Variants in RHBG observed in about 807,000 individuals in gnomAD.
RHBG encodes ammonium transporter Rh type B.
In RHBG, 39 loss-of-function variants were observed where a neutral mutation model predicts 40.1. The ratio of observed to expected loss-of-function variants is 0.97; its 90% CI spans 0.75 to 1.27. The LOEUF is 1.27. Among genes scored for constraint, RHBG ranks in the 50% most tolerant of loss-of-function variants. The pLI is 0.00. For missense variants in RHBG, 549 were observed against 588.1 expected (o/e 0.93, Z 0.69); for synonymous variants, 237 against 252.5 (o/e 0.94, Z 0.58).
In RHBG at chr1:156,377,913, T is replaced by G. The variant is rs1388320358; in HGVS notation, c.375-77T>G. ...CCCCACCCACCACATCATGCTGTCC[T>G]GGCTTCATGCCAGGCAGGAACCCCG... On this transcript the variant is annotated intron_variant, in intron 2 of 9. Transcript: ENST00000537040. The surrounding 1 kb of genome is among the most constrained non-coding windows in gnomAD (Gnocchi z 4.6). 5 of 848,866 alleles carry G rather than the reference T, an allele frequency of 5.9e-6. No individual in the cohort carries two copies. The highest frequency in any genetic ancestry group is 8.8e-6 in the Non-Finnish European group (5 of 565,772). The allele number at this position is 848,866 out of a possible 1,614,324, so 52.6% of individuals were successfully genotyped here. A position where few individuals can be genotyped will look rare whatever the true frequency, so the allele number is the denominator to read the frequency against.
At chr1:156,383,020 G>A in intron 8 of RHBG, 151 bp downstream of exon 8, 1 of 1,101,560 alleles carries the variant, frequency 9.1e-7, no homozygotes, top group Non-Finnish European at 1.3e-6. Flanking sequence ...CCTCCTGCAG[G>A]CACAGAGGTG....
At position 156,369,312 on chromosome 1, in the gene RHBG, C is replaced by T. The variant is rs377604432; in HGVS notation, c.63C>T (p.Phe21=). The T allele has an allele frequency of 1.2e-6, 2 of 1,614,076 alleles. No homozygotes were observed. Among genetic ancestry groups the T allele is most frequent in the African/African-American group, 1.3e-5 (1 of 74,940 alleles). Residue 21 remains phenylalanine, a synonymous_variant, in exon 1 of 10, where the codon TTC becomes TTT. Coordinates refer to ENST00000537040, the MANE Select transcript of RHBG (RefSeq NM_020407.5). ...RRLQLPLLCL[F]LQGATAVLFA... ...TGCAGCTTCCCCTGCTGTGCCTCTT[C>T]CTCCAGGGCGCCACTGCCGTCCTCT... is the stretch of plus-strand genomic sequence containing the variant.
intron 1 of RHBG, among the ~76,000 whole-genome samples, chr1:156,376,703 C>G (rs903487176): frequency 8.5e-5 from 13 of 152,150 alleles, no homozygotes; most frequent in African/African-American, 3.1e-4. Context: ...CACAGTGGGC[C>G]TCACCTGTAG....
intron 5 of RHBG, 21 bp from the exon 6 acceptor site, chr1:156,381,785 A>G (rs1441390226): frequency 1.3e-6 from 2 of 1,574,352 alleles, no homozygotes; most frequent in Admixed American, 2.1e-5. Flanking sequence ...AAGGGCCTCC[A>G]ACACCTTGCT....
chr1:156,383,576 T>TATTTTTTTTTTTTTTTTTTTTTG (rs1667825521), intron 8 of RHBG, among the ~76,000 whole-genome samples: 3 of 148,314 alleles, frequency 2.0e-5, no homozygotes, highest in East Asian at 2.0e-4. Context: ...GTGCCTGGCC[T>TATTTTTTTTTTTTTTTTTTTTTG]AGAATCTACA....
chr1:156,375,448 A>G (rs1259613560), intron 1 of RHBG, among the ~76,000 whole-genome samples: 5 of 107,770 alleles, frequency 4.6e-5, no homozygotes, highest in African/African-American at 1.7e-4. Context: ...GCCCATGCAT[A>G]TGGCACAAAA....
In RHBG at chr1:156,381,947, T is replaced by C. The variant is rs747237407; in HGVS notation, c.978+4T>C. 2.5e-6 allele frequency: 4 copies of C among 1,611,538 alleles called. No homozygotes were observed. The highest frequency in any genetic ancestry group is 1.3e-5 in the African/African-American group (1 of 74,632). Reference sequence around the variant, plus strand: ...GCTGGGGTACAAGTTCTTCACGGTATAGATGCCTCTTGGAGCCTGGGCAGA... The same window carrying C: ...GCTGGGGTACAAGTTCTTCACGGTACAGATGCCTCTTGGAGCCTGGGCAGA... On this transcript the variant is annotated splice_donor_region_variant and intron_variant, in intron 6 of 9. Coordinates refer to ENST00000537040, the MANE Select transcript of RHBG (RefSeq NM_020407.5).
At chr1:156,382,439 G>A (rs1667722603) in intron 7 of RHBG, 1 of 635,618 alleles carries the variant, frequency 1.6e-6, no homozygotes, top group Non-Finnish European at 2.7e-6. Flanking sequence ...TTACTGAAGG[G>A]TCAGTAAGAG....
intron 7 of RHBG, 141 bp from the exon 8 acceptor site, chr1:156,382,607 C>A: frequency 9.6e-7 from 1 of 1,042,816 alleles, no homozygotes; most frequent in Non-Finnish European, 1.4e-6. Flanking sequence ...AGGTGAGACT[C>A]AGCCTGGCAT....
intron 7 of RHBG, 36 bp downstream of exon 7, chr1:156,382,237 C>A (rs754255218): frequency 1.2e-6 from 2 of 1,613,376 alleles, no homozygotes; most frequent in Non-Finnish European, 1.7e-6. Context: ...CAGTCGTCAT[C>A]CATCTGGAAT....
chr1:156,382,944 A>C, intron 8 of RHBG, 75 bp downstream of exon 8: 1 of 1,592,244 alleles, frequency 6.3e-7, no homozygotes, highest in Non-Finnish European at 8.6e-7. Flanking sequence ...TCACTCATAG[A>C]TATTTATGGA....
At chr1:156,373,763 C>T (rs1056853381) in intron 1 of RHBG, among the ~76,000 whole-genome samples, 1 of 152,100 alleles carries the variant, frequency 6.6e-6, no homozygotes, top group Non-Finnish European at 1.5e-5. Flanking sequence ...GCCCTTGGAC[C>T]CAACACCCTT....
At position 156,369,219 on chromosome 1, in the gene RHBG, G is replaced by A. The variant is rs1203640982; in HGVS notation, c.-31G>A. On this transcript the variant is annotated 5_prime_UTR_variant, in exon 1 of 10. Coordinates refer to ENST00000537040, the MANE Select transcript of RHBG (RefSeq NM_020407.5). ...CGCCGGGAATTGTCTGCCAAAGCCT[G>A]CGAGCGCCAGCCGAGATCGCAGCCC... is the stretch of plus-strand genomic sequence containing the variant. The A allele has an allele frequency of 6.2e-7, 1 of 1,602,490 alleles. No individual in the cohort carries two copies. Among genetic ancestry groups the A allele is most frequent in the South Asian group, 1.1e-5 (1 of 90,202 alleles).
At chr1:156,380,473 A>G (rs1195304207) in intron 4 of RHBG, among the ~76,000 whole-genome samples, 4 of 151,910 alleles carry the variant, frequency 2.6e-5, no homozygotes, top group African/African-American at 9.7e-5. Flanking sequence ...CTGTAATCTC[A>G]GCACTTTGGG....
chr1:156,382,823 G>A lies in RHBG; in HGVS notation c.1188G>A (p.Gly396=), dbSNP rs372689213. 3 of 1,614,140 alleles carry A rather than the reference G, an allele frequency of 1.9e-6. No individual in the cohort carries two copies. The highest frequency in any genetic ancestry group is 2.2e-5 in the South Asian group (2 of 91,096). ...ATSQAMHQLF[G]LFVTLMFASV... is the part of the protein sequence containing the mutation. ...CACAGGCCATGCACCAGCTCTTCGG[G>A]CTGTTTGTCACACTGATGTTTGCCT... Residue 396 remains glycine (G), a synonymous_variant, in exon 8 of 10, where the codon GGG becomes GGA. Coordinates refer to ENST00000537040, the MANE Select transcript of RHBG (RefSeq NM_020407.5).
intron 4 of RHBG, among the ~76,000 whole-genome samples, chr1:156,378,723 T>C (rs1369920547): frequency 1.3e-5 from 2 of 152,094 alleles, no homozygotes; most frequent in Non-Finnish European, 2.9e-5. Context: ...TCCTCCTCCC[T>C]CCTCGCTGGC....
At chr1:156,382,685 G>A in intron 7 of RHBG, 63 bp from the exon 8 acceptor site, 1 of 1,598,798 alleles carries the variant, frequency 6.3e-7, no homozygotes, top group Non-Finnish European at 8.5e-7. Context: ...GAGCAGCCCT[G>A]GCCCCGGGCT....
chr1:156,383,183 T>C (rs867921), intron 8 of RHBG, among the ~76,000 whole-genome samples: 54,413 of 152,092 alleles, frequency 0.36, 11,285 homozygotes, highest in African/African-American at 0.56. Flanking sequence ...TAGAAGGGGA[T>C]GGCTGCGCCA....
rs559724101 is a variant in RHBG, at chr1:156,381,591, A to G, written c.840+78A>G. ...GAGAGGTCTGAGACCCTCAAGAAAG[A>G]TTCTCCCGGGGAACAGATAAGGGCA... On this transcript the variant is annotated intron_variant, in intron 5 of 9. Transcript: ENST00000537040. The G allele has an allele frequency of 3.2e-5, 48 of 1,503,372 alleles. No homozygotes were observed. The East Asian group carries it at 7.5e-4, about 23-fold the overall frequency. 93.1% of individuals were successfully genotyped at this position (1,503,372 alleles called of 1,614,324 possible).
Sources: allele counts gnomAD v4.1 joint callset (sites outside exome capture counted in the v4.1 genomes callset), GRCh38; gene constraint gnomAD v4.1.1; non-coding constraint Gnocchi (gnomAD v3.1); transcripts MANE v1.5; gene names NCBI Gene and HGNC (gene_info 2026-07-23, HGNC 2026-07-21).